The following LRRTM4 variants were observed in gnomAD, a reference collection of about 807,000 sequenced individuals.
LRRTM4 encodes the protein leucine rich repeat transmembrane neuronal 4.
A neutral mutation model predicts 47.6 loss-of-function variants in LRRTM4; 25 were observed. That is an observed-to-expected ratio of 0.53 (90% CI 0.38 to 0.73). The LOEUF is 0.73. Among genes scored for constraint, LRRTM4 ranks in the 30% least tolerant of loss-of-function variants. The pLI, the probability that LRRTM4 is intolerant of heterozygous loss-of-function variation, is 0.00. For synonymous variants in LRRTM4, 311 were observed against 269.5 expected (o/e 1.15, Z -1.51); for missense variants, 638 against 713.4 (o/e 0.89, Z 1.20).
chr2:77,136,702 C>A (rs1671954457), intron 3 of LRRTM4, among the ~76,000 whole-genome samples: 1 of 151,980 alleles, frequency 6.6e-6, no homozygotes, highest in South Asian at 2.1e-4. Context: ...AGTTCGAAAC[C>A]ATGGCAAAGA....
At chr2:76,913,932 C>T (rs1674158220) in intron 3 of LRRTM4, among the ~76,000 whole-genome samples, 1 of 151,956 alleles carries the variant, frequency 6.6e-6, no homozygotes, top group Admixed American at 6.6e-5. Flanking sequence ...AGAGCATATG[C>T]TAGACTTTTG....
chr2:76,932,130 G>A (rs78214654), intron 3 of LRRTM4, among the ~76,000 whole-genome samples: 7,949 of 152,146 alleles, frequency 0.052, 482 homozygotes, highest in East Asian at 0.13. Flanking sequence ...TTTATTGGAT[G>A]AGGCTGGAAA....
At chr2:76,804,419 A>C (rs887591864) in intron 3 of LRRTM4, among the ~76,000 whole-genome samples, 2 of 152,082 alleles carry the variant, frequency 1.3e-5, no homozygotes, top group African/African-American at 4.8e-5. Flanking sequence ...TGTTATTCAT[A>C]AACAGAAAAC....
intron 3 of LRRTM4, among the ~76,000 whole-genome samples, chr2:77,317,464 T>G (rs903308282): frequency 6.6e-6 from 1 of 152,238 alleles, no homozygotes; most frequent in African/African-American, 2.4e-5. Flanking sequence ...TCCTATGAAC[T>G]TTCATTAACC....
chr2:77,131,286 C>G (rs1671796757), intron 3 of LRRTM4, among the ~76,000 whole-genome samples: 1 of 152,120 alleles, frequency 6.6e-6, no homozygotes, highest in East Asian at 1.9e-4. Context: ...GTGTTATTCC[C>G]ATTTGAGACG....
chr2:76,929,224 A>C (rs1674687979), intron 3 of LRRTM4, among the ~76,000 whole-genome samples: 1 of 152,122 alleles, frequency 6.6e-6, no homozygotes, highest in African/African-American at 2.4e-5. Flanking sequence ...AGGAAAGAAG[A>C]GGTTTTGTTT....
At chr2:77,063,604 A>C (rs2103807049) in intron 3 of LRRTM4, among the ~76,000 whole-genome samples, 1 of 152,280 alleles carries the variant, frequency 6.6e-6, no homozygotes, top group Admixed American at 6.5e-5. Flanking sequence ...AAAATATGTT[A>C]TTGCACATAA....
intron 3 of LRRTM4, among the ~76,000 whole-genome samples, chr2:77,314,380 A>G (rs1165457344): frequency 6.6e-6 from 1 of 152,234 alleles, no homozygotes; most frequent in Non-Finnish European, 1.5e-5. Context: ...AAATAATAAA[A>G]CAAAATGCAT....
intron 3 of LRRTM4, among the ~76,000 whole-genome samples, chr2:77,316,291 C>T (rs544473014): frequency 1.9e-4 from 29 of 152,234 alleles, no homozygotes; most frequent in African/African-American, 7.0e-4. Flanking sequence ...CGTAAGTTCT[C>T]AGCAAGCCTG....
At chr2:77,488,246 C>A (rs1378936434) in intron 3 of LRRTM4, among the ~76,000 whole-genome samples, 3 of 152,230 alleles carry the variant, frequency 2.0e-5, no homozygotes, top group Non-Finnish European at 4.4e-5. Flanking sequence ...GCACTGGAAG[C>A]CACTTGCGGT....
At chr2:76,789,805 A>C (rs934924035) in intron 3 of LRRTM4, among the ~76,000 whole-genome samples, 1 of 152,090 alleles carries the variant, frequency 6.6e-6, no homozygotes, top group Admixed American at 6.6e-5. Flanking sequence ...GTGTCTTCCC[A>C]TTTTATTATT....
chr2:76,847,086 A>G (rs1671857841), intron 3 of LRRTM4, among the ~76,000 whole-genome samples: 1 of 152,216 alleles, frequency 6.6e-6, no homozygotes. Context: ...AGAACCAACT[A>G]GAGCAGTCTG....
chr2:76,823,602 G>A (rs1671112117), intron 3 of LRRTM4, among the ~76,000 whole-genome samples: 1 of 150,852 alleles, frequency 6.6e-6, no homozygotes. Context: ...AGCATTATAT[G>A]TAATAGAATA....
chr2:77,230,920 T>C (rs1301269393), intron 3 of LRRTM4, among the ~76,000 whole-genome samples: 2 of 152,188 alleles, frequency 1.3e-5, no homozygotes, highest in African/African-American at 4.8e-5. Context: ...AATTTTGTCA[T>C]TGTTCTTCAA....
intron 3 of LRRTM4, among the ~76,000 whole-genome samples, chr2:77,034,570 C>G (rs997737941): frequency 6.6e-6 from 1 of 151,836 alleles, no homozygotes; most frequent in East Asian, 1.9e-4. Context: ...GGATTTCTCA[C>G]AGTCTGGAGT....
At chr2:77,066,659 G>C (rs370457557) in intron 3 of LRRTM4, among the ~76,000 whole-genome samples, 2 of 152,188 alleles carry the variant, frequency 1.3e-5, no homozygotes, top group Non-Finnish European at 2.9e-5. Context: ...TATGTAGAGA[G>C]AGGTATACAA....
chr2:77,405,354 C>A (rs1674141130), intron 3 of LRRTM4, among the ~76,000 whole-genome samples: 2 of 152,162 alleles, frequency 1.3e-5, no homozygotes, highest in East Asian at 3.9e-4. Context: ...ATGGTAGAGG[C>A]AAGACATATC....
chr2:76,959,694 C>A, intron 3 of LRRTM4, among the ~76,000 whole-genome samples: 1 of 151,586 alleles, frequency 6.6e-6, no homozygotes, highest in East Asian at 2.0e-4. Flanking sequence ...GCATTGGCTA[C>A]GGAATTTAAA....
intron 3 of LRRTM4, among the ~76,000 whole-genome samples, chr2:77,286,460 G>A (rs1029472231): frequency 6.6e-6 from 1 of 151,398 alleles, no homozygotes; most frequent in African/African-American, 2.4e-5. Context: ...CATAAAACTA[G>A]CCTAGCTGAT....
Sources: allele counts gnomAD v4.1 joint callset (sites outside exome capture counted in the v4.1 genomes callset), GRCh38; gene constraint gnomAD v4.1.1; transcripts MANE v1.5; gene names NCBI Gene and HGNC (gene_info 2026-07-23, HGNC 2026-07-21).